Variants in NBEA observed in about 807,000 individuals in gnomAD.
NBEA encodes lysosomal-trafficking regulator 2.
Under a neutral mutation model 343.4 loss-of-function variants are expected in NBEA, and 44 were observed. That is an observed-to-expected ratio of 0.13 (90% CI 0.10 to 0.16). NBEA has a LOEUF of 0.16. Among genes scored for constraint, NBEA ranks in the 10% least tolerant of loss-of-function variants. The pLI, the probability that NBEA is intolerant of heterozygous loss-of-function variation, is 1.00. For missense variants in NBEA, 2,555 were observed against 3,631.3 expected (o/e 0.70, Z 7.62); for synonymous variants, 1,175 against 1,238.7 (o/e 0.95, Z 1.08).
At chr13:35,065,317 C>G (rs375143932) in intron 8 of NBEA, among the ~76,000 whole-genome samples, 14 of 151,770 alleles carry the variant, frequency 9.2e-5, no homozygotes, top group African/African-American at 2.9e-4. Flanking sequence ...GTATTGAAAG[C>G]CTGTTGACAA....
chr13:35,054,337 T>A (rs1300856903), intron 6 of NBEA, among the ~76,000 whole-genome samples: 2 of 152,122 alleles, frequency 1.3e-5, no homozygotes, highest in Non-Finnish European at 1.5e-5. Flanking sequence ...TATTTGACAC[T>A]CTTTTTACGG....
In NBEA at chr13:35,083,414, G is replaced by A. The variant is rs564449043; in HGVS notation, c.1571+12562G>A. On this transcript the variant is annotated intron_variant, in intron 10 of 58. Coordinates refer to ENST00000379939, the MANE Select transcript of NBEA (RefSeq NM_001385012.1). The stretch of plus-strand genomic sequence containing the variant: ...CATCAGACTAACAGCTGATCTCTCC[G>A]CAGAAACTCTACAAGCCAGAAGAGA... Among the ~76,000 whole-genome samples, 432 of 152,130 alleles carry A rather than the reference G, an allele frequency of 2.8e-3. 2 individuals carry two copies. Among genetic ancestry groups the A allele is most frequent in the African/African-American group, 0.01 (418 of 41,502 alleles).
intron 6 of NBEA, among the ~76,000 whole-genome samples, chr13:35,054,340 T>TAAAAAAAAAC (rs2063169501): frequency 2.0e-5 from 3 of 152,104 alleles, no homozygotes; most frequent in African/African-American, 7.2e-5. Context: ...TTGACACTCT[T>TAAAAAAAAAC]TTTACGGTTT....
intron 13 of NBEA, among the ~76,000 whole-genome samples, chr13:35,113,076 G>A (rs1315431455): frequency 1.3e-5 from 2 of 152,162 alleles, no homozygotes; most frequent in East Asian, 3.9e-4. Context: ...TACTTTTAAT[G>A]TTCTTCAATG....
chr13:35,227,734 A>G (rs2074735661), intron 33 of NBEA, among the ~76,000 whole-genome samples: 1 of 152,096 alleles, frequency 6.6e-6, no homozygotes, highest in Non-Finnish European at 1.5e-5. Flanking sequence ...ACCTAGGAGA[A>G]TACAAAAAGT....
At chr13:35,657,351 T>G (rs20411) in intron 55 of NBEA, among the ~76,000 whole-genome samples, 98,543 of 152,064 alleles carry the variant, frequency 0.65, 32,340 homozygotes, top group Middle Eastern at 0.79. Context: ...ATGTGATCTT[T>G]ATTTGAGGGA....
intron 46 of NBEA, among the ~76,000 whole-genome samples, chr13:35,586,533 C>T (rs1300945864): frequency 2.6e-5 from 4 of 152,072 alleles, no homozygotes; most frequent in Non-Finnish European, 5.9e-5. Context: ...ATTTTTAGAC[C>T]AAAGTTATTA....
At chr13:35,540,234 CA>C (rs2078758797) in intron 41 of NBEA, among the ~76,000 whole-genome samples, 1 of 151,526 alleles carries the variant, frequency 6.6e-6, no homozygotes. Context: ...TGATCTGAAA[CA>C]GAAGAAAATA....
At chr13:35,277,890 C>A (rs1227441964) in intron 34 of NBEA, among the ~76,000 whole-genome samples, 1 of 151,078 alleles carries the variant, frequency 6.6e-6, no homozygotes, top group African/African-American at 2.4e-5. Context: ...AGTTTGAGAC[C>A]AGCCTGGCCA....
intron 36 of NBEA, among the ~76,000 whole-genome samples, chr13:35,320,261 T>C (rs536208200): frequency 6.6e-6 from 1 of 152,350 alleles, no homozygotes; most frequent in African/African-American, 2.4e-5. Context: ...ATTTACTGTT[T>C]CCTTCGGGAG....
At chr13:35,104,432 G>A (rs1370229630) in intron 11 of NBEA, among the ~76,000 whole-genome samples, 3 of 151,854 alleles carry the variant, frequency 2.0e-5, no homozygotes, top group African/African-American at 7.2e-5. Flanking sequence ...CCTTATTGCT[G>A]TATCTTCAGC....
chr13:35,145,190 G>A (rs1249932233), intron 18 of NBEA, among the ~76,000 whole-genome samples: 3 of 152,164 alleles, frequency 2.0e-5, no homozygotes, highest in Admixed American at 1.3e-4. Flanking sequence ...GCTTTGGCAC[G>A]GTTAGAGCTT....
At chr13:35,449,814 A>G (rs1374211220) in intron 39 of NBEA, among the ~76,000 whole-genome samples, 1 of 152,166 alleles carries the variant, frequency 6.6e-6, no homozygotes, top group African/African-American at 2.4e-5. Flanking sequence ...CTCCCCTCCA[A>G]TGTAGCATTG....
chr13:35,139,343 GAGCCACCACACCCAGCAATAAGA>G (rs2067941006), intron 17 of NBEA, among the ~76,000 whole-genome samples: 1 of 152,140 alleles, frequency 6.6e-6, no homozygotes, highest in African/African-American at 2.4e-5. Flanking sequence ...TTACAGGCAT[GAGCCACCACACCCAGCAATAAGA>G]AGTATCTTTG....
At chr13:35,239,666 G>A (rs2029880738) in intron 34 of NBEA, among the ~76,000 whole-genome samples, 2 of 152,132 alleles carry the variant, frequency 1.3e-5, no homozygotes, top group South Asian at 4.2e-4. Context: ...GCATGTACAT[G>A]CACACATACA....
At chr13:35,375,611 A>G (rs1430483962) in intron 38 of NBEA, among the ~76,000 whole-genome samples, 3 of 152,250 alleles carry the variant, frequency 2.0e-5, no homozygotes, top group South Asian at 2.1e-4. Flanking sequence ...TTTATGTAAT[A>G]CAGAGAAAGG....
At chr13:35,306,458 A>G (rs1021410979) in intron 35 of NBEA, among the ~76,000 whole-genome samples, 2 of 150,974 alleles carry the variant, frequency 1.3e-5, no homozygotes, top group African/African-American at 2.4e-5. Flanking sequence ...TCTTTGTTCT[A>G]TTTTCTGGGA....
At position 35,432,319 on chromosome 13, in the gene NBEA, G is replaced by A. The variant is rs779869598; in HGVS notation, c.6230G>A (p.Arg2077Gln). 2 of 1,607,506 alleles carry A rather than the reference G, an allele frequency of 1.2e-6. No homozygotes were observed. Among genetic ancestry groups the A allele is most frequent in the African/African-American group, 1.3e-5 (1 of 74,850 alleles). ...GATTACTGGGAAGATGATCTTCGTC[G>A]AAGGAGACGATTTGTTCGCAATGCA... ...RLDYWEDDLR[R>Q]RRRFVRNAFG... is the part of the protein sequence containing the mutation. Residue 2077 changes from arginine to glutamine, a missense_variant, in exon 39 of 59, where the codon CGA becomes CAA. Transcript: ENST00000379939.
intron 17 of NBEA, among the ~76,000 whole-genome samples, chr13:35,130,923 C>T (rs1487554387): frequency 6.6e-6 from 1 of 151,792 alleles, no homozygotes; most frequent in Non-Finnish European, 1.5e-5. Context: ...TTATAAAATG[C>T]AGTAAAAATA....
Sources: allele counts gnomAD v4.1 joint callset (sites outside exome capture counted in the v4.1 genomes callset), GRCh38; gene constraint gnomAD v4.1.1; transcripts MANE v1.5; gene names NCBI Gene and HGNC (gene_info 2026-07-23, HGNC 2026-07-21).